The following FAM110B variants were observed in gnomAD, a reference collection of about 807,000 sequenced individuals.
FAM110B encodes the protein family with sequence similarity 110 member B.
Under a neutral mutation model 20.4 loss-of-function variants are expected in FAM110B, and 6 were observed. That is an observed-to-expected ratio of 0.29 (90% confidence interval 0.16 to 0.58). The LOEUF is 0.58. Ranked by LOEUF, FAM110B falls within the 20% of genes least tolerant of loss-of-function variation. The pLI is 0.90. For synonymous variants in FAM110B, 226 were observed against 214.1 expected (o/e 1.06, Z -0.49); for missense variants, 434 against 498.2 (o/e 0.87, Z 1.23).
chr8:58,085,175 G>T (rs1369329645), intron 3 of FAM110B, among the ~76,000 whole-genome samples: 1 of 152,148 alleles, frequency 6.6e-6, no homozygotes, highest in Non-Finnish European at 1.5e-5. Flanking sequence ...TTTTTGTGGG[G>T]GTCATGCCCC....
intron 2 of FAM110B, among the ~76,000 whole-genome samples, chr8:58,049,751 T>G (rs1246266562): frequency 6.6e-6 from 1 of 152,204 alleles, no homozygotes; most frequent in Non-Finnish European, 1.5e-5. Context: ...GCAGAATATT[T>G]GTATATTTTA....
In FAM110B at chr8:58,115,007, GT is replaced by G. The variant is rs67361448; in HGVS notation, c.-324-30886del. On this transcript the variant is annotated intron_variant, in intron 3 of 3. Transcript: ENST00000519262. ...CACCAGTCCTCTCTATTGGAAAGTT[GT>G]TTTTTTTTTTTTTCTTAATTAGTAG... is the stretch of plus-strand genomic sequence containing the variant. Among the ~76,000 whole-genome samples the G allele has an allele frequency of 8.1e-3, 1,169 of 144,264 alleles. 19 individuals are homozygous for G. The highest frequency in any genetic ancestry group is 0.023 in the African/African-American group (931 of 40,406). 94.6% of individuals were successfully genotyped at this position (144,264 alleles called of 152,430 possible). A position where few individuals can be genotyped will look rare whatever the true frequency, so the allele number is the denominator to read the frequency against.
At chr8:58,001,665 A>T (rs529660437) in intron 1 of FAM110B, among the ~76,000 whole-genome samples, 2 of 152,318 alleles carry the variant, frequency 1.3e-5, no homozygotes, top group East Asian at 3.9e-4. Flanking sequence ...TGAGTTATCC[A>T]TAAAGGGACC....
intron 2 of FAM110B, among the ~76,000 whole-genome samples, chr8:58,032,957 T>C (rs1804997934): frequency 6.6e-6 from 1 of 152,214 alleles, no homozygotes. Context: ...ACAGGTTTGT[T>C]ACATGAGTAT....
intron 1 of FAM110B, among the ~76,000 whole-genome samples, chr8:58,027,670 A>G (rs1246445835): frequency 6.6e-6 from 1 of 152,218 alleles, no homozygotes; most frequent in Non-Finnish European, 1.5e-5. Flanking sequence ...GCCTTTCTCT[A>G]AAATTTCATA....
chr8:58,006,284 T>A (rs143640738), intron 1 of FAM110B, among the ~76,000 whole-genome samples: 1 of 152,368 alleles, frequency 6.6e-6, no homozygotes, highest in Non-Finnish European at 1.5e-5. Context: ...ACTTTTAGAC[T>A]CACTTGTTTA....
In FAM110B at chr8:57,998,903, A is replaced by T. The variant is rs562424035; in HGVS notation, c.-512+4097A>T. Among the ~76,000 whole-genome samples the T allele has an allele frequency of 7.9e-5, 12 of 152,322 alleles. No individual in the cohort carries two copies. The South Asian group carries it at 2.5e-3, about 32-fold the overall frequency. On this transcript the variant is annotated intron_variant, in intron 1 of 3. Transcript: ENST00000519262. The stretch of plus-strand genomic sequence containing the variant: ...AAATTAATGAACTTAAATCATGCCT[A>T]TGTCATTTTGACATCTTAGATTTCC...
rs1389642635 is a variant in FAM110B at position 58,002,208 on chromosome 8, A to T, written c.-512+7402A>T. On this transcript the variant is annotated intron_variant, in intron 1 of 3. Transcript: ENST00000519262. The stretch of plus-strand genomic sequence containing the variant: ...CAGAAACACCCACAGGTACAGCCAG[A>T]AATAATGTTTAACAAGATATCTGGG... 2.0e-5 allele frequency among the ~76,000 whole-genome samples: 3 copies of T among 152,264 alleles called. No homozygotes were observed. In the East Asian group the frequency reaches 5.8e-4, roughly 29 times the overall value.
chr8:58,119,948 A>G (rs1159567249), intron 3 of FAM110B, among the ~76,000 whole-genome samples: 1 of 152,210 alleles, frequency 6.6e-6, no homozygotes, highest in Non-Finnish European at 1.5e-5. Flanking sequence ...GCTTCTGGGA[A>G]ATGTAGCCAG....
chr8:58,124,364 G>C (rs1307267782), intron 3 of FAM110B, among the ~76,000 whole-genome samples: 1 of 152,204 alleles, frequency 6.6e-6, no homozygotes, highest in Non-Finnish European at 1.5e-5. Flanking sequence ...GAGTTGTAGT[G>C]GATCAATTCT....
At chr8:58,023,526 T>G in intron 1 of FAM110B, among the ~76,000 whole-genome samples, 1 of 152,246 alleles carries the variant, frequency 6.6e-6, no homozygotes, top group South Asian at 2.1e-4. Flanking sequence ...AGTTCAAACG[T>G]TTTTAAGGAA....
At chr8:58,047,488 A>T (rs981795252) in intron 2 of FAM110B, among the ~76,000 whole-genome samples, 2 of 151,942 alleles carry the variant, frequency 1.3e-5, no homozygotes, top group Non-Finnish European at 2.9e-5. Context: ...ACAGTCTCCA[A>T]CCATCACCTC....
intron 2 of FAM110B, among the ~76,000 whole-genome samples, chr8:58,042,895 C>G (rs564501223): frequency 6.6e-6 from 1 of 152,290 alleles, no homozygotes; most frequent in African/African-American, 2.4e-5. Flanking sequence ...TGGGAATAGT[C>G]CTGGCTCCCT....
intron 2 of FAM110B, among the ~76,000 whole-genome samples, chr8:58,051,849 A>G (rs1805449319): frequency 6.6e-6 from 1 of 152,222 alleles, no homozygotes; most frequent in Admixed American, 6.5e-5. Context: ...TTTCATATTT[A>G]TGGCATTTGG....
intron 2 of FAM110B, among the ~76,000 whole-genome samples, chr8:58,044,406 T>C (rs1305829717): frequency 6.6e-6 from 1 of 152,250 alleles, no homozygotes; most frequent in African/African-American, 2.4e-5. Flanking sequence ...TTTATAGGCT[T>C]ACCTCAGTGC....
chr8:57,999,910 T>C (rs1257407234), intron 1 of FAM110B, among the ~76,000 whole-genome samples: 7 of 152,148 alleles, frequency 4.6e-5, no homozygotes, highest in Non-Finnish European at 1.0e-4. Context: ...ACTAAATATA[T>C]ATACACATCC....
Position 58,047,725 on chromosome 8 carries a change from A to G in FAM110B, c.-414+16022A>G, listed in dbSNP as rs532647709. On this transcript the variant is annotated intron_variant, in intron 2 of 3. Transcript: ENST00000519262. ...AGTAATACAGGCATTCTATCTGTAC[A>G]GTTTATACTTGTTTTGGTAAATGAC... Among the ~76,000 whole-genome samples, 5 of 151,554 alleles carry G rather than the reference A, an allele frequency of 3.3e-5. No individual in the cohort carries two copies. In the South Asian group the frequency reaches 1.0e-3, roughly 32 times the overall value.
intron 1 of FAM110B, among the ~76,000 whole-genome samples, chr8:58,027,435 T>A (rs78650062): frequency 4.0e-5 from 6 of 150,080 alleles, no homozygotes; most frequent in African/African-American, 9.9e-5. Context: ...TTTTTTTTTT[T>A]AAAGCACTTT....
intron 3 of FAM110B, among the ~76,000 whole-genome samples, chr8:58,135,408 G>A (rs1244358452): frequency 1.3e-5 from 2 of 152,108 alleles, no homozygotes; most frequent in Non-Finnish European, 2.9e-5. Flanking sequence ...CATAATTTTT[G>A]TAGCAATTTA....
Sources: gnomAD v4.1 joint callset for allele counts (sites outside exome capture counted in the v4.1 genomes callset) on GRCh38, gnomAD v4.1.1 for gene constraint, MANE v1.5 for transcripts, NCBI Gene and HGNC (gene_info 2026-07-23, HGNC 2026-07-21) for gene names.